TMEM229B: variants seen among roughly 807,000 people sequenced by gnomAD.
TMEM229B encodes chromosome 14 open reading frame 83.
Under a neutral mutation model 13.7 loss-of-function variants are expected in TMEM229B, and 6 were observed. The ratio of observed to expected loss-of-function variants is 0.44; its 90% CI spans 0.24 to 0.86. TMEM229B has a LOEUF of 0.86. Among genes scored for constraint, TMEM229B ranks in the 40% least tolerant of loss-of-function variants. The probability of loss-of-function intolerance (pLI) is 0.23; values close to 1 mark genes in which losing one functional copy is unlikely to be tolerated. For synonymous variants in TMEM229B, 107 were observed against 102.1 expected, an observed-to-expected ratio of 1.05 and a Z score of -0.29; for missense variants, 170 against 236.0, an observed-to-expected ratio of 0.72 and a Z score of 1.83.
intron 1 of TMEM229B, among the ~76,000 whole-genome samples, chr14:67,520,758 G>C (rs1722946685): frequency 6.6e-6 from 1 of 152,172 alleles, no homozygotes; most frequent in Non-Finnish European, 1.5e-5. Context: ...TGGCAATTAA[G>C]AATAAAGCTG....
At chr14:67,507,168 T>C (rs892580182) in intron 1 of TMEM229B, among the ~76,000 whole-genome samples, 2 of 152,016 alleles carry the variant, frequency 1.3e-5, no homozygotes, top group Admixed American at 6.6e-5. Context: ...TCGCTAACAC[T>C]GAGTTGCCCA....
At chr14:67,477,378 T>C (rs1172605739) in intron 2 of TMEM229B, among the ~76,000 whole-genome samples, 2 of 152,172 alleles carry the variant, frequency 1.3e-5, no homozygotes, top group African/African-American at 4.8e-5. Flanking sequence ...CTTCCATGAG[T>C]ATAAACCAGC....
intron 1 of TMEM229B, among the ~76,000 whole-genome samples, chr14:67,531,960 C>G (rs2033472524): frequency 6.7e-6 from 1 of 148,176 alleles, no homozygotes; most frequent in Non-Finnish European, 1.5e-5. Flanking sequence ...GTCTTCTTAG[C>G]AAAATCCAGA....
At chr14:67,509,533 G>C (rs938621448) in intron 1 of TMEM229B, among the ~76,000 whole-genome samples, 1 of 152,186 alleles carries the variant, frequency 6.6e-6, no homozygotes, top group African/African-American at 2.4e-5. Flanking sequence ...TGCTCAGGCT[G>C]GTCTTGAACT....
chr14:67,473,879 C>T lies in TMEM229B; in HGVS notation c.45G>A (p.Leu15=). The change falls in exon 3 of 3, where the codon CTG becomes CTA. Residue 15 remains leucine (L), a synonymous_variant. Coordinates refer to ENST00000554480, the MANE Select transcript of TMEM229B (RefSeq NM_001348543.2). This position sits in a 1 kb window ranked among gnomAD's most constrained non-coding sequence, Gnocchi z 6.5. ...CGCAGAAGTAGCCGTGGATGGCATA[C>T]AGGTACCAGCGGGACAGCGCCGTCA... ...EPLTALSRWY[L]YAIHGYFCEV... The T allele has an allele frequency of 6.2e-7, 1 of 1,611,128 alleles. No homozygotes were observed. The highest frequency in any genetic ancestry group is 1.3e-5 in the African/African-American group (1 of 75,024).
At chr14:67,522,436 T>C (rs2033305744) in intron 1 of TMEM229B, among the ~76,000 whole-genome samples, 1 of 152,164 alleles carries the variant, frequency 6.6e-6, no homozygotes, top group African/African-American at 2.4e-5. Flanking sequence ...CAAAGGAGTA[T>C]TGTTGAGGCG....
upstream of TMEM229B, among the ~76,000 whole-genome samples, chr14:67,516,290 G>C (rs1014492576): frequency 6.6e-6 from 1 of 152,136 alleles, no homozygotes; most frequent in African/African-American, 2.4e-5. Flanking sequence ...GTGTCCTTTT[G>C]TCACTAACCC....
chr14:67,499,862 C>T (rs2032534275), intron 1 of TMEM229B, among the ~76,000 whole-genome samples: 1 of 152,032 alleles, frequency 6.6e-6, no homozygotes, highest in Admixed American at 6.6e-5. Flanking sequence ...AAAAGTTATG[C>T]CCTTCAATTG....
At position 67,473,855 on chromosome 14, in the gene TMEM229B, G is replaced by A; in HGVS notation, c.69C>T (p.Cys23=). The change falls in exon 3 of 3, where the codon TGC becomes TGT. Residue 23 remains cysteine, a synonymous_variant. Coordinates refer to ENST00000554480, the MANE Select transcript of TMEM229B (RefSeq NM_001348543.2). The surrounding 1 kb of genome is among the most constrained non-coding windows in gnomAD (Gnocchi z 6.5). ...WYLYAIHGYF[C]EVMFTAAWEF... ...CCCAGGCCGCTGTGAACATCACCTC[G>A]CAGAAGTAGCCGTGGATGGCATACA... is the stretch of plus-strand genomic sequence containing the variant. 1.2e-6 allele frequency: 2 copies of A among 1,612,754 alleles called. No homozygotes were observed. The highest frequency in any genetic ancestry group is 1.7e-6 in the Non-Finnish European group (2 of 1,179,522).
intron 1 of TMEM229B, among the ~76,000 whole-genome samples, chr14:67,511,668 G>A (rs2033031172): frequency 1.3e-5 from 2 of 152,206 alleles, no homozygotes; most frequent in African/African-American, 4.8e-5. Context: ...TCAGAGGAGG[G>A]TGGAAAGTCG....
intron 1 of TMEM229B, among the ~76,000 whole-genome samples, chr14:67,520,844 C>G (rs1040083451): frequency 6.6e-6 from 1 of 152,210 alleles, no homozygotes; most frequent in Non-Finnish European, 1.5e-5. Context: ...AGCACAATTC[C>G]TGGATTGTGT....
chr14:67,494,478 G>T (rs1264766134), intron 1 of TMEM229B, among the ~76,000 whole-genome samples: 2 of 152,194 alleles, frequency 1.3e-5, no homozygotes, highest in South Asian at 2.1e-4. Context: ...CAGCTGTGGG[G>T]GCTACAAGGT....
intron 1 of TMEM229B, among the ~76,000 whole-genome samples, chr14:67,487,457 T>C (rs1454577786): frequency 6.6e-6 from 1 of 152,210 alleles, no homozygotes; most frequent in Non-Finnish European, 1.5e-5. Context: ...TGAGAGGGGA[T>C]ATAATTTTAG....
intron 2 of TMEM229B, among the ~76,000 whole-genome samples, chr14:67,485,595 T>TA (rs2031827637): frequency 6.6e-6 from 1 of 152,216 alleles, no homozygotes; most frequent in Non-Finnish European, 1.5e-5. Flanking sequence ...TGCCATGCCT[T>TA]CTGGGGAGCT....
chr14:67,511,935 G>A (rs1347046323), intron 1 of TMEM229B, among the ~76,000 whole-genome samples: 7 of 152,172 alleles, frequency 4.6e-5, no homozygotes, highest in South Asian at 2.1e-4. Flanking sequence ...TGTGTGTGTC[G>A]GGGTGAAAAC....
intron 2 of TMEM229B, among the ~76,000 whole-genome samples, chr14:67,484,645 C>T (rs938312321): frequency 2.0e-5 from 3 of 151,942 alleles, no homozygotes; most frequent in African/African-American, 4.8e-5. Flanking sequence ...ATTCATAGGC[C>T]GGGCATGGGG....
At chr14:67,500,990 T>C (rs1209787986) in intron 1 of TMEM229B, among the ~76,000 whole-genome samples, 1 of 151,268 alleles carries the variant, frequency 6.6e-6, no homozygotes, top group Non-Finnish European at 1.5e-5. Context: ...AAGGTTCATT[T>C]GGGATCCAAA....
chr14:67,530,418 G>A (rs1414543733), intron 1 of TMEM229B, among the ~76,000 whole-genome samples: 1 of 152,102 alleles, frequency 6.6e-6, no homozygotes, highest in East Asian at 1.9e-4. Context: ...CTCCCATAGT[G>A]CTGTCCAAGG....
At chr14:67,480,385 G>A (rs1050273876) in intron 2 of TMEM229B, among the ~76,000 whole-genome samples, 1 of 152,278 alleles carries the variant, frequency 6.6e-6, no homozygotes, top group Admixed American at 6.5e-5. Context: ...CCGGGAGACT[G>A]AAGGTGAGCC....
Sources: gnomAD v4.1 joint callset for allele counts (sites outside exome capture counted in the v4.1 genomes callset) on GRCh38, gnomAD v4.1.1 for gene constraint, Gnocchi (gnomAD v3.1) non-coding constraint, MANE v1.5 for transcripts, NCBI Gene and HGNC (gene_info 2026-07-23, HGNC 2026-07-21) for gene names.